The following PRKN variants were observed in gnomAD, a reference collection of about 807,000 sequenced individuals.
The protein encoded by PRKN is E3 ubiquitin-protein ligase parkin.
In PRKN, 56 loss-of-function variants were observed where a neutral mutation model predicts 59.5. That is an observed-to-expected ratio of 0.94 (90% CI 0.76 to 1.18). PRKN has a LOEUF of 1.18. PRKN is among the 50% of genes most tolerant of loss of function. PRKN has a pLI of 0.00. For synonymous variants in PRKN, 250 were observed against 222.1 expected (o/e 1.13, Z -1.12); for missense variants, 657 against 596.4 (o/e 1.10, Z -1.06).
intron 8 of PRKN, among the ~76,000 whole-genome samples, chr6:161,558,074 C>T (rs1780307159): frequency 6.6e-6 from 1 of 152,200 alleles, no homozygotes; most frequent in Non-Finnish European, 1.5e-5. Context: ...GGCACCGACA[C>T]TTTGCTGCTC....
chr6:162,233,021 A>G (rs1018387375), intron 3 of PRKN, among the ~76,000 whole-genome samples: 2 of 152,326 alleles, frequency 1.3e-5, no homozygotes, highest in Middle Eastern at 3.4e-3. Context: ...AAATATCACC[A>G]TGAGCACTAA....
chr6:162,321,014 A>C (rs530964557), intron 2 of PRKN, among the ~76,000 whole-genome samples: 1 of 152,030 alleles, frequency 6.6e-6, no homozygotes, highest in African/African-American at 2.4e-5. Flanking sequence ...AAAAAAGAAA[A>C]CAATAACGAT....
intron 2 of PRKN, among the ~76,000 whole-genome samples, chr6:162,271,985 G>A (rs1373378107): frequency 2.0e-5 from 3 of 152,152 alleles, no homozygotes; most frequent in Non-Finnish European, 2.9e-5. Context: ...ACTGTGAAAG[G>A]TCAATTAGCC....
intron 6 of PRKN, among the ~76,000 whole-genome samples, chr6:161,897,830 A>T (rs372511168): frequency 6.7e-6 from 1 of 150,082 alleles, no homozygotes; most frequent in Non-Finnish European, 1.5e-5. Context: ...TTCCGGGCGT[A>T]GTGGCGGGCG....
At chr6:162,401,852 G>C (rs1787809755) in intron 2 of PRKN, among the ~76,000 whole-genome samples, 1 of 152,114 alleles carries the variant, frequency 6.6e-6, no homozygotes, top group South Asian at 2.1e-4. Context: ...AGTCAAGACA[G>C]GAAATCTCAT....
intron 1 of PRKN, among the ~76,000 whole-genome samples, chr6:162,596,713 T>A (rs1781508057): frequency 6.6e-6 from 1 of 152,156 alleles, no homozygotes; most frequent in Non-Finnish European, 1.5e-5. Flanking sequence ...TCTACCCTTT[T>A]CATAGAACCC....
intron 5 of PRKN, among the ~76,000 whole-genome samples, chr6:162,034,160 T>C (rs1783747027): frequency 7.1e-6 from 1 of 139,996 alleles, no homozygotes; most frequent in Non-Finnish European, 1.5e-5. Context: ...TGTGTGTGTG[T>C]ACACATACAT....
intron 4 of PRKN, among the ~76,000 whole-genome samples, chr6:162,165,708 T>C (rs115353549): frequency 0.01 from 1,526 of 148,944 alleles, 174 homozygotes; most frequent in African/African-American, 0.037. Flanking sequence ...TAAATGTTAA[T>C]GCACAACTAT....
In PRKN at chr6:162,727,684, G is replaced by C; in HGVS notation, c.-16C>G. ...TACCTATCATGGTCACTGGGTAGGT[G>C]GCGGCTGCGGGCCAGGAACAGGCCC... On this transcript the variant is annotated 5_prime_UTR_variant, in exon 1 of 12. Coordinates refer to ENST00000366898, the MANE Select transcript of PRKN (RefSeq NM_004562.3). 1 of 1,572,880 alleles carries C rather than the reference G, an allele frequency of 6.4e-7. No homozygotes were observed. The highest frequency in any genetic ancestry group is 1.8e-5 in the Admixed American group (1 of 54,180).
chr6:161,935,331 T>C (rs541317435), intron 6 of PRKN, among the ~76,000 whole-genome samples: 14 of 152,104 alleles, frequency 9.2e-5, no homozygotes, highest in Admixed American at 2.6e-4. Context: ...GGAGGGTGAA[T>C]TGCTTCAGCC....
intron 4 of PRKN, among the ~76,000 whole-genome samples, chr6:162,184,294 T>C (rs999586773): frequency 3.3e-5 from 5 of 152,306 alleles, no homozygotes; most frequent in Admixed American, 3.3e-4. Context: ...AAACATCCAC[T>C]GTCCTCTCTT....
chr6:161,407,752 C>T lies in PRKN; in HGVS notation c.1084-20875G>A, dbSNP rs1305460239. Reference sequence around the variant, plus strand: ...GTGAAACAGCCAGCTCCTGCCATAACTGATTGACCAACCTTATGACATTCC... The same window carrying T: ...GTGAAACAGCCAGCTCCTGCCATAATTGATTGACCAACCTTATGACATTCC... On this transcript the variant is annotated intron_variant, in intron 9 of 11. Transcript: ENST00000366898. This position sits in a 1 kb window ranked among gnomAD's most constrained non-coding sequence, Gnocchi z 4.9. 6.6e-6 allele frequency among the ~76,000 whole-genome samples: 1 copy of T among 152,150 alleles called. No individual in the cohort carries two copies. The highest frequency in any genetic ancestry group is 1.5e-5 in the Non-Finnish European group (1 of 68,018).
At chr6:161,618,792 C>A (rs1582898802) in intron 7 of PRKN, among the ~76,000 whole-genome samples, 1 of 152,212 alleles carries the variant, frequency 6.6e-6, no homozygotes, top group Admixed American at 6.5e-5. Flanking sequence ...TCCAAAAGAC[C>A]ATCTAGAAGA....
chr6:162,279,480 G>T (rs12212222), intron 2 of PRKN, among the ~76,000 whole-genome samples: 2 of 133,696 alleles, frequency 1.5e-5, no homozygotes, highest in Non-Finnish European at 3.2e-5. Flanking sequence ...GAAGAGAAAA[G>T]AAAAGAAAAG....
chr6:161,650,833 A>G (rs1467960761), intron 7 of PRKN, among the ~76,000 whole-genome samples: 1 of 152,174 alleles, frequency 6.6e-6, no homozygotes, highest in Non-Finnish European at 1.5e-5. Flanking sequence ...TGAAGGGAGC[A>G]TGTGCATCTC....
chr6:161,706,849 C>T (rs1389978359), intron 7 of PRKN, among the ~76,000 whole-genome samples: 1 of 152,184 alleles, frequency 6.6e-6, no homozygotes, highest in Non-Finnish European at 1.5e-5. Flanking sequence ...TGAGCCACCA[C>T]ACCCGGACTG....
At chr6:161,847,037 C>T (rs965732486) in intron 6 of PRKN, among the ~76,000 whole-genome samples, 3 of 152,154 alleles carry the variant, frequency 2.0e-5, no homozygotes, top group South Asian at 2.1e-4. Flanking sequence ...GGGCCAGGCA[C>T]GGTGGCTCAC....
At chr6:162,570,235 C>T (rs551981399) in intron 1 of PRKN, among the ~76,000 whole-genome samples, 12 of 152,174 alleles carry the variant, frequency 7.9e-5, no homozygotes, top group Admixed American at 2.6e-4. Flanking sequence ...CAGAGAAAGG[C>T]GAATCAAAAC....
At chr6:161,867,337 G>A (rs1178830460) in intron 6 of PRKN, among the ~76,000 whole-genome samples, 1 of 152,116 alleles carries the variant, frequency 6.6e-6, no homozygotes, top group East Asian at 1.9e-4. Flanking sequence ...TTTATTTATA[G>A]GCACTGGAAA....
Sources: gnomAD v4.1 joint callset for allele counts (sites outside exome capture counted in the v4.1 genomes callset) on GRCh38, gnomAD v4.1.1 for gene constraint, Gnocchi (gnomAD v3.1) non-coding constraint, MANE v1.5 for transcripts, NCBI Gene and HGNC (gene_info 2026-07-23, HGNC 2026-07-21) for gene names.